The following RBM4B variants were observed in gnomAD, a reference collection of about 807,000 sequenced individuals.
The protein encoded by RBM4B is RNA-binding protein 4B.
In RBM4B, 13 loss-of-function variants were observed where a neutral mutation model predicts 28.5. The observed-to-expected ratio is 0.46, with a 90% CI of 0.30 to 0.72. The LOEUF (loss-of-function observed/expected upper bound fraction) is 0.72. Among genes scored for constraint, RBM4B ranks in the 30% least tolerant of loss-of-function variants. RBM4B has a pLI of 0.09. For synonymous variants in RBM4B, 167 were observed against 179.1 expected (o/e 0.93, Z 0.54); for missense variants, 387 against 477.6 (o/e 0.81, Z 1.77).
At chr11:66,676,219 CTT>C (rs966752085) in intron 2 of RBM4B, 1 of 188,676 alleles carries the variant, frequency 5.3e-6, no homozygotes, top group African/African-American at 2.3e-5. Context: ...CTCTAGATGT[CTT>C]TTTTCTTCTT....
In RBM4B at chr11:66,666,022, A is replaced by G. The variant is rs1030279868; in HGVS notation, c.*10-444T>C. On this transcript the variant is annotated intron_variant, in intron 3 of 3. Transcript: ENST00000310046. ...AATGTGTTTTGTTTTAATCTTTCACAGTAAACAAGCTTTCAGAAATGATGG... is the reference window on the plus strand; with the variant it reads ...AATGTGTTTTGTTTTAATCTTTCACGGTAAACAAGCTTTCAGAAATGATGG... 19 of 1,384,090 alleles carry G rather than the reference A, an allele frequency of 1.4e-5. No individual in the cohort carries two copies. The African/African-American group carries it at 2.2e-4, about 16-fold the overall frequency. 85.7% of individuals were successfully genotyped at this position (1,384,090 alleles called of 1,614,324 possible).
At chr11:66,666,613 G>C (rs1565091161) in intron 3 of RBM4B, 1 of 164,460 alleles carries the variant, frequency 6.1e-6, no homozygotes, top group Non-Finnish European at 1.3e-5. Flanking sequence ...CACAATATAT[G>C]AATTTAATAT....
chr11:66,665,492 A>G lies in RBM4B; in HGVS notation c.*96T>C. On this transcript the variant is annotated 3_prime_UTR_variant, in exon 4 of 4. Coordinates refer to ENST00000310046, the MANE Select transcript of RBM4B (RefSeq NM_031492.4). The stretch of plus-strand genomic sequence containing the variant: ...CCTTTTGTTTACTGAAACATGAAGC[A>G]ATGGAAACATCCCGGCAAAGGGGAC... 1.0e-6 allele frequency: 1 copy of G among 969,636 alleles called. No homozygotes were observed. The highest frequency in any genetic ancestry group is 1.6e-6 in the Non-Finnish European group (1 of 632,786). The allele number at this position is 969,636 out of a possible 1,614,324, so 60.1% of individuals were successfully genotyped here.
chr11:66,667,250 C>T (rs755780040), intron 3 of RBM4B: 5 of 152,160 alleles, frequency 3.3e-5, no homozygotes, highest in Non-Finnish European at 5.9e-5. Flanking sequence ...ATTTATCTAT[C>T]TTTAGATACT....
intron 2 of RBM4B, among the ~76,000 whole-genome samples, chr11:66,674,523 G>A (rs981468876): frequency 6.2e-5 from 9 of 145,480 alleles, no homozygotes; most frequent in African/African-American, 1.8e-4. Flanking sequence ...CACAGCACCC[G>A]GCCTGTCCTT....
At chr11:66,673,088 T>C (rs1322348511) in intron 2 of RBM4B, among the ~76,000 whole-genome samples, 1 of 152,108 alleles carries the variant, frequency 6.6e-6, no homozygotes, top group African/African-American at 2.4e-5. Context: ...GGGGTCTTAA[T>C]TTCTGAGCGC....
intron 2 of RBM4B, among the ~76,000 whole-genome samples, chr11:66,672,717 G>C (rs1170258206): frequency 6.6e-6 from 1 of 151,950 alleles, no homozygotes; most frequent in African/African-American, 2.4e-5. Context: ...GGCTGGTCTC[G>C]AACTCCTGAC....
In RBM4B at chr11:66,668,662, C is replaced by T. The variant is rs770824469; in HGVS notation, c.1042G>A (p.Glu348Lys). 34 of 1,613,284 alleles carry T rather than the reference C, an allele frequency of 2.1e-5. No homozygotes were observed. The highest frequency in any genetic ancestry group is 8.3e-5 in the Admixed American group (5 of 59,990). ...TACCGGGCTCGGTCCACATACTGCT[C>T]CCGTTCATACCGGGCCATGTCATAC... ...SLYDMARYER[E>K]QYVDRARYSA... is the part of the protein sequence containing the mutation. Residue 348 changes from glutamate (E) to lysine (K), a missense_variant, in exon 3 of 4, where the codon GAG becomes AAG. Around this residue, in one of 2 missense-constraint regions of RBM4B, gnomAD observed 226 missense variants for 220.6 expected, o/e 1.02. Transcript: ENST00000310046.
chr11:66,668,601 C>T lies in RBM4B; in HGVS notation c.*9+14G>A, dbSNP rs1218500458. The T allele has an allele frequency of 6.3e-7, 1 of 1,578,522 alleles. No individual in the cohort carries two copies. Among genetic ancestry groups the T allele is most frequent in the Admixed American group, 1.7e-5 (1 of 58,338 alleles). ...CTAAATGGAATCTTTTAACCATTCC[C>T]ACCCATCTCTCACCTCCAGTTTTTA... is the stretch of plus-strand genomic sequence containing the variant. On this transcript the variant is annotated intron_variant, in intron 3 of 3. Coordinates refer to ENST00000310046, the MANE Select transcript of RBM4B (RefSeq NM_031492.4).
intron 3 of RBM4B, chr11:66,666,552 G>A: frequency 1.5e-5 from 7 of 465,608 alleles, no homozygotes; most frequent in Non-Finnish European, 2.0e-5. Context: ...AACAACCACT[G>A]CTTGCAGTCA....
At chr11:66,670,916 T>C (rs1194880181) in intron 2 of RBM4B, 1 of 702,482 alleles carries the variant, frequency 1.4e-6, no homozygotes, top group African/African-American at 1.7e-5. Flanking sequence ...AATCAGCAAG[T>C]TGCTCTCTCT....
At chr11:66,677,252 G>T in intron 1 of RBM4B, 161 bp from the exon 2 acceptor site, 2 of 895,060 alleles carry the variant, frequency 2.2e-6, no homozygotes, top group Non-Finnish European at 3.3e-6. Flanking sequence ...TTGTTCTCGA[G>T]AAGTGCGAGC....
At chr11:66,676,308 T>C (rs1939633334) in intron 2 of RBM4B, 3 of 417,594 alleles carry the variant, frequency 7.2e-6, no homozygotes, top group Non-Finnish European at 1.3e-5. Flanking sequence ...GGCTTCCTGA[T>C]CATCACCAAA....
At chr11:66,669,336 A>C (rs561405668) in intron 2 of RBM4B, 45 bp from the exon 3 acceptor site, 1 of 1,567,888 alleles carries the variant, frequency 6.4e-7, no homozygotes, top group South Asian at 1.1e-5. Context: ...CTCACTTGAC[A>C]TTCTTTTTCC....
intron 2 of RBM4B, chr11:66,670,977 C>CA: frequency 1.4e-6 from 1 of 702,598 alleles, no homozygotes; most frequent in East Asian, 2.7e-5. Context: ...CCTTGTGCTC[C>CA]ACCATCCTGT....
Position 66,676,856 on chromosome 11 carries a change from T to A in RBM4B, c.224A>T (p.Lys75Ile). The A allele has an allele frequency of 6.2e-7, 1 of 1,614,214 alleles. No homozygotes were observed. The highest frequency in any genetic ancestry group is 8.5e-7 in the Non-Finnish European group (1 of 1,180,032). ...INVEASKNKSKASTKLHVGNI... is the reference protein window; with the variant it reads ...INVEASKNKSIASTKLHVGNI... ...ACCCACGTGTAACTTGGTTGAAGCT[T>A]TGCTCTTATTCTTGCTGGCTTCCAC... The change falls in exon 2 of 4, where the codon AAA (lysine) becomes ATA (isoleucine). Residue 75 changes from lysine to isoleucine, a missense_variant. Lys to Ile is a moderately radical substitution (Grantham distance 102). Transcript: ENST00000310046.
At position 66,673,545 on chromosome 11, in the gene RBM4B, C is replaced by T. The variant is rs557067975; in HGVS notation, c.412+3123G>A. ...CACGGTCTTGACTCACTGCAACCTC[C>T]GCCTCTGGGTTCAAGTGATTCTCCT... On this transcript the variant is annotated intron_variant, in intron 2 of 3. Coordinates refer to ENST00000310046, the MANE Select transcript of RBM4B (RefSeq NM_031492.4). Among the ~76,000 whole-genome samples, 662 of 152,306 alleles carry T rather than the reference C, an allele frequency of 4.3e-3. 2 individuals are homozygous for T. Among genetic ancestry groups the T allele is most frequent in the Admixed American group, 7.3e-3 (111 of 15,300 alleles).
At position 66,666,998 on chromosome 11, in the gene RBM4B, C is replaced by T. The variant is rs188127015; in HGVS notation, c.*10-1420G>A. On this transcript the variant is annotated intron_variant, in intron 3 of 3. Transcript: ENST00000310046. Reference sequence around the variant, plus strand: ...AACTGCAGTCTCTCACTCCTGGGCTCAAGGGATCCTCCAGCCTCAGCTTCC... The same window carrying T: ...AACTGCAGTCTCTCACTCCTGGGCTTAAGGGATCCTCCAGCCTCAGCTTCC... 11 of 151,792 alleles carry T rather than the reference C, an allele frequency of 7.2e-5. No individual in the cohort carries two copies. In the East Asian group the frequency reaches 1.2e-3, roughly 16 times the overall value. 9.4% of individuals were successfully genotyped at this position (151,792 alleles called of 1,614,324 possible).
chr11:66,666,112 A>C, intron 3 of RBM4B: 1 of 810,644 alleles, frequency 1.2e-6, no homozygotes, highest in Non-Finnish European at 1.9e-6. Context: ...CCTACATGTC[A>C]CACTGTCACA....
Sources: gnomAD v4.1 joint callset for allele counts (sites outside exome capture counted in the v4.1 genomes callset) on GRCh38, gnomAD v4.1.1 for gene constraint, gnomAD v4.1.1 regional missense constraint, MANE v1.5 for transcripts, NCBI Gene and HGNC (gene_info 2026-07-23, HGNC 2026-07-21) for gene names.